Variants in MTUS2 observed in about 807,000 individuals in gnomAD.
MTUS2 encodes the protein microtubule associated scaffold protein 2, also known as microtubule-associated tumor suppressor candidate 2.
In MTUS2, 40 loss-of-function variants were observed where a neutral mutation model predicts 114.1. The observed-to-expected ratio is 0.35, with a 90% confidence interval of 0.27 to 0.46. MTUS2 has a LOEUF of 0.46. Among genes scored for constraint, MTUS2 ranks in the 20% least tolerant of loss-of-function variants. The pLI is 1.00. For synonymous variants in MTUS2, 688 were observed against 672.0 expected (o/e 1.02, Z -0.37); for missense variants, 1,679 against 1,705.4 (o/e 0.98, Z 0.27).
chr13:29,416,082 ATTTTT>A (rs139281629), intron 8 of MTUS2, among the ~76,000 whole-genome samples: 1 of 127,734 alleles, frequency 7.8e-6, no homozygotes, highest in Non-Finnish European at 1.6e-5. Flanking sequence ...CACCCCACTA[ATTTTT>A]TTTTTTTTTT....
In MTUS2 at chr13:29,053,698, C is replaced by T. The variant is rs1396010067; in HGVS notation, c.2446+19573C>T. On this transcript the variant is annotated intron_variant, in intron 4 of 15. Transcript: ENST00000612955. The stretch of plus-strand genomic sequence containing the variant: ...CTGTTTTTGTATCTGGTGTCTGTCA[C>T]TCATCATAATGTTTTTGAGATTCAC... Among the ~76,000 whole-genome samples the T allele has an allele frequency of 4.6e-5, 7 of 152,284 alleles. No individual in the cohort carries two copies. The East Asian group carries it at 7.7e-4, about 17-fold the overall frequency.
chr13:29,428,735 G>T, intron 8 of MTUS2: 1 of 1,570,474 alleles, frequency 6.4e-7, no homozygotes. Flanking sequence ...TGGAAGTTGT[G>T]ACAGCTCCCA....
chr13:29,239,072 A>C (rs9579309), intron 5 of MTUS2, among the ~76,000 whole-genome samples: 1 of 152,184 alleles, frequency 6.6e-6, no homozygotes, highest in East Asian at 1.9e-4. Flanking sequence ...CATATTCTAC[A>C]CTTGAAACTT....
At chr13:29,071,490 G>A (rs1280073286) in intron 4 of MTUS2, among the ~76,000 whole-genome samples, 1 of 112,556 alleles carries the variant, frequency 8.9e-6, no homozygotes, top group Non-Finnish European at 1.7e-5. Flanking sequence ...AAATTGGCAT[G>A]ATCTGGGCTC....
intron 8 of MTUS2, among the ~76,000 whole-genome samples, chr13:29,375,535 ATACGTGT>A (rs1871551820): frequency 1.5e-4 from 1 of 6,536 alleles, no homozygotes; most frequent in African/African-American, 2.4e-4. Context: ...ATATATATAT[ATACGTGT>A]ATATATATAT....
chr13:28,945,681 TTTG>T (rs779192741), intron 2 of MTUS2, among the ~76,000 whole-genome samples: 5 of 152,176 alleles, frequency 3.3e-5, no homozygotes, highest in East Asian at 1.9e-4. Flanking sequence ...TTATTTGTGT[TTTG>T]TTGTTGTTGT....
intron 5 of MTUS2, among the ~76,000 whole-genome samples, chr13:29,241,539 C>A (rs914052581): frequency 3.3e-5 from 5 of 152,120 alleles, no homozygotes; most frequent in Non-Finnish European, 5.9e-5. Context: ...CGGCCGCCCT[C>A]CCCCAGGTGG....
intron 8 of MTUS2, among the ~76,000 whole-genome samples, chr13:29,389,044 A>G (rs1046752532): frequency 9.2e-5 from 14 of 152,024 alleles, no homozygotes; most frequent in African/African-American, 3.1e-4. Flanking sequence ...GATAATCTGT[A>G]AACTCCGCTA....
At chr13:29,258,317 C>A (rs1897347525) in intron 5 of MTUS2, among the ~76,000 whole-genome samples, 2 of 152,182 alleles carry the variant, frequency 1.3e-5, no homozygotes. Context: ...CACCTTCAAG[C>A]CAGCGACAGT....
At position 29,101,070 on chromosome 13, in the gene MTUS2, G is replaced by A. The variant is rs1031302662; in HGVS notation, c.2644+100G>A. On this transcript the variant is annotated intron_variant, in intron 5 of 15. Transcript: ENST00000612955. ...TCTTTGCATGATTATTTAAGAATTT[G>A]CATCACCTCCCTTAGCTTCCCATTG... 5.6e-6 allele frequency: 7 copies of A among 1,253,320 alleles called. No homozygotes were observed. In the African/African-American group the frequency reaches 7.6e-5, roughly 14 times the overall value. 77.6% of individuals were successfully genotyped at this position (1,253,320 alleles called of 1,614,324 possible). A position where few individuals can be genotyped will look rare whatever the true frequency, so the allele number is the denominator to read the frequency against.
Position 29,504,885 on chromosome 13 carries a change from G to A in MTUS2, c.*1679G>A, listed in dbSNP as rs556418425. ...TGGAACGGGGAAGAAAACAGCCCGC[G>A]GACGGGGTCGGCTTGTCCAGGGCAC... On this transcript the variant is annotated 3_prime_UTR_variant, in exon 16 of 16. Coordinates refer to ENST00000612955, the MANE Select transcript of MTUS2 (RefSeq NM_001033602.4). The A allele has an allele frequency of 2.1e-4, 50 of 232,592 alleles. 2 individuals carry two copies. Among genetic ancestry groups the A allele is most frequent in the Middle Eastern group, 1.3e-3 (1 of 788 alleles). 14.4% of individuals were successfully genotyped at this position (232,592 alleles called of 1,614,324 possible).
At chr13:29,435,783 C>T (rs1476130446) in intron 8 of MTUS2, among the ~76,000 whole-genome samples, 1 of 152,220 alleles carries the variant, frequency 6.6e-6, no homozygotes, top group East Asian at 1.9e-4. Context: ...GAGTTGATAT[C>T]ATTTCAAAAA....
intron 7 of MTUS2, 98 bp from the exon 8 acceptor site, chr13:29,359,164 T>C (rs984397202): frequency 1.4e-5 from 16 of 1,164,004 alleles, no homozygotes; most frequent in Non-Finnish European, 1.9e-5. Flanking sequence ...ATTTCTTCTC[T>C]ACCACTTGAA....
intron 2 of MTUS2, among the ~76,000 whole-genome samples, chr13:28,932,100 C>T (rs1359883753): frequency 1.3e-5 from 2 of 152,190 alleles, no homozygotes; most frequent in African/African-American, 2.4e-5. Flanking sequence ...AATCATAAGT[C>T]ATTTTCCAAC....
At chr13:28,850,441 G>A (rs751799736) in intron 2 of MTUS2, among the ~76,000 whole-genome samples, 1 of 152,198 alleles carries the variant, frequency 6.6e-6, no homozygotes, top group Admixed American at 6.5e-5. Context: ...CGACAGCCCT[G>A]CTGGGCTAGG....
At chr13:29,134,970 G>T (rs771327513) in intron 5 of MTUS2, among the ~76,000 whole-genome samples, 1 of 152,252 alleles carries the variant, frequency 6.6e-6, no homozygotes, top group African/African-American at 2.4e-5. Flanking sequence ...CCATGATTTT[G>T]CTTTCCGAGG....
chr13:29,376,749 A>G (rs562345802), intron 8 of MTUS2, among the ~76,000 whole-genome samples: 3 of 152,306 alleles, frequency 2.0e-5, no homozygotes, highest in African/African-American at 7.2e-5. Context: ...ACAAAGCCCA[A>G]TGTTATCTGC....
intron 5 of MTUS2, among the ~76,000 whole-genome samples, chr13:29,142,210 G>A (rs1440306242): frequency 2.6e-5 from 4 of 151,950 alleles, no homozygotes; most frequent in African/African-American, 9.7e-5. Flanking sequence ...TACATACACC[G>A]ATAAATTGGG....
chr13:29,261,512 A>G (rs1191968860), intron 5 of MTUS2, among the ~76,000 whole-genome samples: 2 of 152,234 alleles, frequency 1.3e-5, no homozygotes, highest in South Asian at 2.1e-4. Context: ...AAGCTTCAAT[A>G]TAACTAATCA....
Sources: gnomAD v4.1 joint callset for allele counts (sites outside exome capture counted in the v4.1 genomes callset) on GRCh38, gnomAD v4.1.1 for gene constraint, MANE v1.5 for transcripts, NCBI Gene and HGNC (gene_info 2026-07-23, HGNC 2026-07-21) for gene names.